SOX5: variants seen among roughly 807,000 people sequenced by gnomAD.
The protein encoded by SOX5 is transcription factor SOX-5.
In SOX5, 9 loss-of-function variants were observed where a neutral mutation model predicts 92.0. The observed-to-expected ratio is 0.10, with a 90% CI of 0.06 to 0.17. SOX5 has a LOEUF of 0.17. Among genes scored for constraint, SOX5 ranks in the 10% least tolerant of loss-of-function variants. The pLI, the probability that SOX5 is intolerant of heterozygous loss-of-function variation, is 1.00. For missense variants in SOX5, 642 were observed against 944.5 expected (o/e 0.68, Z 4.20); for synonymous variants, 344 against 336.3 (o/e 1.02, Z -0.25).
chr12:24,110,613 T>C (rs1947205994), intron 4 of SOX5, among the ~76,000 whole-genome samples: 2 of 152,066 alleles, frequency 1.3e-5, no homozygotes, highest in South Asian at 4.2e-4. Context: ...AGGCCAGGCA[T>C]GGTGGCTCAC....
intron 6 of SOX5, among the ~76,000 whole-genome samples, chr12:23,725,407 C>A (rs1485375963): frequency 5.9e-5 from 9 of 152,086 alleles, no homozygotes; most frequent in African/African-American, 2.2e-4. Flanking sequence ...GGGGAACTCC[C>A]CTTTATAAAA....
At chr12:23,585,015 C>G (rs778606839) in intron 9 of SOX5, among the ~76,000 whole-genome samples, 1 of 152,038 alleles carries the variant, frequency 6.6e-6, no homozygotes, top group Non-Finnish European at 1.5e-5. Context: ...ATACTATTAA[C>G]TACTAAATGT....
chr12:24,010,947 A>C (rs1406667413), intron 4 of SOX5, among the ~76,000 whole-genome samples: 1 of 152,162 alleles, frequency 6.6e-6, no homozygotes, highest in Non-Finnish European at 1.5e-5. Flanking sequence ...TCCAAAAAAA[A>C]AAAAAGAATA....
intron 4 of SOX5, among the ~76,000 whole-genome samples, chr12:23,962,698 T>C (rs575776335): frequency 6.6e-6 from 1 of 152,332 alleles, no homozygotes; most frequent in African/African-American, 2.4e-5. Flanking sequence ...GCACTGCTAT[T>C]TTGATTGCAT....
intron 2 of SOX5, among the ~76,000 whole-genome samples, chr12:23,861,406 T>C (rs1276337890): frequency 2.0e-5 from 3 of 152,182 alleles, no homozygotes; most frequent in Non-Finnish European, 4.4e-5. Context: ...TGAAGTTACA[T>C]ATTGGTGAAT....
At chr12:24,121,444 C>T (rs12372096) in intron 4 of SOX5, among the ~76,000 whole-genome samples, 2 of 152,010 alleles carry the variant, frequency 1.3e-5, no homozygotes, top group African/African-American at 4.8e-5. Flanking sequence ...TTGCTGAAAC[C>T]GAACAGGAAC....
chr12:23,576,072 C>T (rs933693013), intron 9 of SOX5, among the ~76,000 whole-genome samples: 2 of 152,280 alleles, frequency 1.3e-5, no homozygotes, highest in African/African-American at 4.8e-5. Flanking sequence ...CAACTACCCA[C>T]AGAAAGCAGA....
At chr12:24,402,220 A>G (rs1199711151) in intron 1 of SOX5, among the ~76,000 whole-genome samples, 1 of 152,222 alleles carries the variant, frequency 6.6e-6, no homozygotes, top group African/African-American at 2.4e-5. Context: ...AAATAGCACA[A>G]TTTACCTGGA....
At chr12:23,536,403 A>G in intron 14 of SOX5, 50 bp downstream of exon 14, 2 of 1,339,100 alleles carry the variant, frequency 1.5e-6, no homozygotes, top group Non-Finnish European at 2.1e-6. Context: ...CATCCCATTA[A>G]GTATAACAGG....
At chr12:24,360,389 C>A (rs1402266711) in intron 2 of SOX5, among the ~76,000 whole-genome samples, 1 of 152,036 alleles carries the variant, frequency 6.6e-6, no homozygotes, top group Non-Finnish European at 1.5e-5. Flanking sequence ...ATGAATAGTC[C>A]TTATGTTTTA....
intron 6 of SOX5, among the ~76,000 whole-genome samples, chr12:23,683,378 G>A (rs533010485): frequency 2.7e-4 from 41 of 149,644 alleles, no homozygotes; most frequent in African/African-American, 8.0e-4. Context: ...TGAAAACTTC[G>A]GTTCATGTTC....
At chr12:23,640,922 T>TCAGCACCTTTTA (rs1356282608) in intron 7 of SOX5, 25 bp from the exon 8 acceptor site, 1 of 1,486,688 alleles carries the variant, frequency 6.7e-7, no homozygotes, top group Non-Finnish European at 9.3e-7. Context: ...AATAGAGGCG[T>TCAGCACCTTTTA]CAGCACCTTT....
intron 1 of SOX5, among the ~76,000 whole-genome samples, chr12:24,390,044 C>T (rs904118734): frequency 1.3e-5 from 2 of 152,106 alleles, no homozygotes; most frequent in Non-Finnish European, 2.9e-5. Flanking sequence ...TTGCCTGACT[C>T]TGATGGACTC....
At chr12:24,455,131 T>C (rs1942848849) in intron 1 of SOX5, among the ~76,000 whole-genome samples, 1 of 152,174 alleles carries the variant, frequency 6.6e-6, no homozygotes, top group African/African-American at 2.4e-5. Context: ...TGTAGCCCCC[T>C]TTGTTAGAAC....
intron 4 of SOX5, among the ~76,000 whole-genome samples, chr12:24,208,077 T>C (rs1958206064): frequency 6.6e-6 from 1 of 152,168 alleles, no homozygotes; most frequent in Non-Finnish European, 1.5e-5. Context: ...CCCTTAGCAC[T>C]CTAGGAGGAC....
intron 1 of SOX5, among the ~76,000 whole-genome samples, chr12:23,919,238 T>C (rs1470076890): frequency 4.6e-5 from 7 of 152,122 alleles, no homozygotes; most frequent in Non-Finnish European, 5.9e-5. Flanking sequence ...GCAGGTGAAA[T>C]TGGTAGTTTC....
upstream of SOX5, chr12:23,950,840 C>T: frequency 1.3e-6 from 2 of 1,532,016 alleles, no homozygotes; most frequent in Non-Finnish European, 1.7e-6. Flanking sequence ...ATGACAGAGG[C>T]ACATACACAC....
At chr12:23,620,734 G>A (rs960070756) in intron 8 of SOX5, among the ~76,000 whole-genome samples, 1 of 151,942 alleles carries the variant, frequency 6.6e-6, no homozygotes, top group Non-Finnish European at 1.5e-5. Flanking sequence ...TACTTTCATT[G>A]ACTTTTTTGA....
At chr12:23,873,807 T>C (rs765144871) in intron 2 of SOX5, among the ~76,000 whole-genome samples, 1 of 152,178 alleles carries the variant, frequency 6.6e-6, no homozygotes, top group Non-Finnish European at 1.5e-5. Context: ...TGATTGTTGT[T>C]TAAGAGATTC....
Sources: gnomAD v4.1 joint callset for allele counts (sites outside exome capture counted in the v4.1 genomes callset) on GRCh38, gnomAD v4.1.1 for gene constraint, MANE v1.5 for transcripts, NCBI Gene and HGNC (gene_info 2026-07-23, HGNC 2026-07-21) for gene names.